DOT1L: variants seen among roughly 807,000 people sequenced by gnomAD.
DOT1L encodes the protein histone-lysine N-methyltransferase, H3 lysine-79 specific.
In DOT1L, 33 loss-of-function variants were observed where a neutral mutation model predicts 153.3. The observed-to-expected ratio is 0.22, with a 90% confidence interval of 0.16 to 0.29. DOT1L has a LOEUF of 0.29. DOT1L is among the 10% of genes least tolerant of loss of function. The pLI, the probability that DOT1L is intolerant of heterozygous loss-of-function variation, is 1.00. For synonymous variants in DOT1L, 1,135 were observed against 965.1 expected, an observed-to-expected ratio of 1.18 and a Z score of -3.26; for missense variants, 1,847 against 2,119.9, an observed-to-expected ratio of 0.87 and a Z score of 2.53.
At position 2,191,834 on chromosome 19, in the gene DOT1L, ACT is replaced by A. The variant is rs1599562226; in HGVS notation, c.493+597_493+598del. ...TCTTTCAGCCTCTGCCTGCACTCAG[ACT>A]CTGCTTGTGAGGTGTCGTCTCCTCT... On this transcript the variant is annotated intron_variant, in intron 5 of 27. Transcript: ENST00000398665. The surrounding 1 kb of genome is among the most constrained non-coding windows in gnomAD (Gnocchi z 6.8). Among the ~76,000 whole-genome samples the A allele has an allele frequency of 7.2e-5, 11 of 151,824 alleles. No individual in the cohort carries two copies. In the South Asian group the frequency reaches 2.3e-3, roughly 32 times the overall value.
chr19:2,184,653 C>T (rs4806832), intron 2 of DOT1L, among the ~76,000 whole-genome samples: 70,615 of 151,866 alleles, frequency 0.46, 16,520 homozygotes, highest in Non-Finnish European at 0.48. Flanking sequence ...CGTGCCCTTT[C>T]CAAGCGGAAG....
In DOT1L at chr19:2,197,020, C is replaced by G. The variant is rs187251816; in HGVS notation, c.651+2443C>G. Among the ~76,000 whole-genome samples the G allele has an allele frequency of 3.8e-4, 58 of 152,308 alleles. No homozygotes were observed. The highest frequency in any genetic ancestry group is 1.1e-3 in the Admixed American group (17 of 15,296). ...CAGTGCTGAACGCGTCCGCCTTGGT[C>G]GGCGTGCGATTCTGTTTATCCAAGG... On this transcript the variant is annotated intron_variant, in intron 7 of 27. Coordinates refer to ENST00000398665, the MANE Select transcript of DOT1L (RefSeq NM_032482.3). This position sits in a 1 kb window ranked among gnomAD's most constrained non-coding sequence, Gnocchi z 4.1.
chr19:2,229,861 C>T lies in DOT1L; in HGVS notation c.*69C>T. On this transcript the variant is annotated 3_prime_UTR_variant, in exon 28 of 28. Transcript: ENST00000398665. ...CCAACTCGCGCCCGCGGCATGGTGCCCGCCGGCCTGCCGGGCTCCCACCCC... is the reference window on the plus strand; with the variant it reads ...CCAACTCGCGCCCGCGGCATGGTGCTCGCCGGCCTGCCGGGCTCCCACCCC... The T allele has an allele frequency of 6.2e-7, 1 of 1,611,290 alleles. No homozygotes were observed. Among genetic ancestry groups the T allele is most frequent in the Non-Finnish European group, 8.5e-7 (1 of 1,179,708 alleles).
At chr19:2,203,267 T>C (rs974976703) in intron 9 of DOT1L, among the ~76,000 whole-genome samples, 1 of 152,136 alleles carries the variant, frequency 6.6e-6, no homozygotes, top group Non-Finnish European at 1.5e-5. Flanking sequence ...GCCTGGCTAA[T>C]TTTTGTACTT....
Position 2,208,360 on chromosome 19 carries a change from G to A in DOT1L, c.964-575G>A, listed in dbSNP as rs776263434. On this transcript the variant is annotated intron_variant, in intron 11 of 27. Coordinates refer to ENST00000398665, the MANE Select transcript of DOT1L (RefSeq NM_032482.3). This position sits in a 1 kb window ranked among gnomAD's most constrained non-coding sequence, Gnocchi z 4.4. ...GTGCTGGTGTGTCTGCACCCTCACT[G>A]TCCAGTGCTCGGAGCCTCCACTAGA... 6.6e-6 allele frequency among the ~76,000 whole-genome samples: 1 copy of A among 152,128 alleles called. No homozygotes were observed. The highest frequency in any genetic ancestry group is 1.5e-5 in the Non-Finnish European group (1 of 68,006).
intron 1 of DOT1L, among the ~76,000 whole-genome samples, chr19:2,176,408 G>T (rs2021937029): frequency 6.6e-6 from 1 of 152,212 alleles, no homozygotes; most frequent in African/African-American, 2.4e-5. Context: ...GCTCGCGGGA[G>T]TTGCAGAGCG....
chr19:2,221,102 G>A (rs1464394699), intron 23 of DOT1L: 1 of 158,778 alleles, frequency 6.3e-6, no homozygotes, highest in Non-Finnish European at 1.4e-5. Context: ...GTTTGATCCT[G>A]GGAGGTGGAG....
At chr19:2,196,675 G>A (rs748920891) in intron 7 of DOT1L, among the ~76,000 whole-genome samples, 1 of 152,074 alleles carries the variant, frequency 6.6e-6, no homozygotes, top group Non-Finnish European at 1.5e-5. Context: ...CTGCAAACAC[G>A]GAGCTTTGCC....
chr19:2,216,656 G>A lies in DOT1L; in HGVS notation c.2299G>A (p.Ala767Thr). The stretch of plus-strand genomic sequence containing the variant: ...GCGCCTGGAGAAGCTGTCTGGCCTA[G>A]CCGCACCCGACTACACTAGGCTGTC... ...RPRLEKLSGLAAPDYTRLSPA... is the reference protein window; with the variant it reads ...RPRLEKLSGLTAPDYTRLSPA... Residue 767 changes from alanine to threonine, a missense_variant, in exon 20 of 28, where the codon GCC (alanine) becomes ACC (threonine). Physicochemically the swap from Ala to Thr is moderately conservative, Grantham distance 58. Coordinates refer to ENST00000398665, the MANE Select transcript of DOT1L (RefSeq NM_032482.3). The A allele has an allele frequency of 1.9e-6, 3 of 1,604,828 alleles. No individual in the cohort carries two copies. The highest frequency in any genetic ancestry group is 2.2e-5 in the South Asian group (2 of 91,080).
chr19:2,183,445 G>A (rs148797924), intron 2 of DOT1L, among the ~76,000 whole-genome samples: 1,561 of 151,966 alleles, frequency 0.01, 31 homozygotes, highest in African/African-American at 0.036. Context: ...TGTGGGGAGG[G>A]CTGTTGTTTA....
chr19:2,231,774 T>C lies in DOT1L; in HGVS notation c.*1982T>C, dbSNP rs902270960. ...AACAAGACACATTCTTTAAACACTG[T>C]ATTACTTCTGCCTCCCTCTAGGTGA... is the stretch of plus-strand genomic sequence containing the variant. On this transcript the variant is annotated 3_prime_UTR_variant, in exon 28 of 28. Transcript: ENST00000398665. 4.7e-6 allele frequency: 1 copy of C among 213,896 alleles called. No homozygotes were observed. The highest frequency in any genetic ancestry group is 9.4e-6 in the Non-Finnish European group (1 of 105,942). 13.2% of individuals were successfully genotyped at this position (213,896 alleles called of 1,614,324 possible). A position where few individuals can be genotyped will look rare whatever the true frequency, so the allele number is the denominator to read the frequency against.
intron 1 of DOT1L, among the ~76,000 whole-genome samples, chr19:2,173,052 G>A (rs747863015): frequency 3.3e-5 from 5 of 151,930 alleles, no homozygotes; most frequent in South Asian, 2.1e-4. Context: ...TTGTGCAGTC[G>A]TCACCATTGT....
At chr19:2,170,740 A>T (rs1278677235) in intron 1 of DOT1L, among the ~76,000 whole-genome samples, 3 of 151,996 alleles carry the variant, frequency 2.0e-5, no homozygotes. Context: ...TGGCTCACAG[A>T]ACTCCCGAGA....
chr19:2,214,345 C>T (rs1599600085), intron 18 of DOT1L, 126 bp from the exon 19 acceptor site: 17 of 1,441,944 alleles, frequency 1.2e-5, no homozygotes, highest in Non-Finnish European at 1.5e-5. Flanking sequence ...ATTCCAGAAA[C>T]GGGGTCTGTG....
intron 18 of DOT1L, 173 bp from the exon 19 acceptor site, chr19:2,214,298 G>C: frequency 8.5e-7 from 1 of 1,177,430 alleles, no homozygotes; most frequent in Non-Finnish European, 1.2e-6. Flanking sequence ...TCCGTGGGGG[G>C]CCCCAGTCTC....
At chr19:2,186,928 C>G (rs1274062622) in intron 3 of DOT1L, among the ~76,000 whole-genome samples, 1 of 152,362 alleles carries the variant, frequency 6.6e-6, no homozygotes, top group East Asian at 1.9e-4. Context: ...AGCCGCATGG[C>G]AGGGTCCACA....
intron 3 of DOT1L, among the ~76,000 whole-genome samples, chr19:2,187,344 C>T (rs2022561165): frequency 6.6e-6 from 1 of 152,260 alleles, no homozygotes; most frequent in African/African-American, 2.4e-5. Context: ...AGACGCTGTG[C>T]TCACGGCGCC....
intron 3 of DOT1L, among the ~76,000 whole-genome samples, chr19:2,187,911 G>A (rs1288646700): frequency 3.8e-5 from 5 of 130,016 alleles, no homozygotes; most frequent in Admixed American, 8.2e-5. Flanking sequence ...GACAGAGCGA[G>A]ACTCCATCTC....
intron 3 of DOT1L, chr19:2,188,399 G>A (rs1325653895): frequency 6.6e-6 from 1 of 151,880 alleles, no homozygotes; most frequent in Non-Finnish European, 1.5e-5. Flanking sequence ...CAGGCTCTTG[G>A]GGTTGCCATT....
Sources: allele counts gnomAD v4.1 joint callset (sites outside exome capture counted in the v4.1 genomes callset), GRCh38; gene constraint gnomAD v4.1.1; non-coding constraint Gnocchi (gnomAD v3.1); transcripts MANE v1.5; gene names NCBI Gene and HGNC (gene_info 2026-07-23, HGNC 2026-07-21).